ADAMTSL3: variants seen among roughly 807,000 people sequenced by gnomAD.
The protein encoded by ADAMTSL3 is ADAMTS-like protein 3.
A neutral mutation model predicts 201.7 loss-of-function variants in ADAMTSL3; 128 were observed. That is an observed-to-expected ratio of 0.63 (90% CI 0.55 to 0.73). The LOEUF (loss-of-function observed/expected upper bound fraction) is 0.73. Among genes scored for constraint, ADAMTSL3 ranks in the 30% least tolerant of loss-of-function variants. The pLI is 0.00. For synonymous variants in ADAMTSL3, 738 were observed against 748.4 expected (o/e 0.99, Z 0.23); for missense variants, 1,990 against 2,119.6 (o/e 0.94, Z 1.20).
At chr15:83,779,583 A>G (rs989172048) in intron 4 of ADAMTSL3, among the ~76,000 whole-genome samples, 17 of 151,502 alleles carry the variant, frequency 1.1e-4, no homozygotes, top group Admixed American at 3.3e-4. Flanking sequence ...CTGTAGTCCC[A>G]GCTACTCTGG....
At chr15:83,810,520 C>G (rs2063676293) in intron 5 of ADAMTSL3, among the ~76,000 whole-genome samples, 1 of 152,190 alleles carries the variant, frequency 6.6e-6, no homozygotes, top group East Asian at 1.9e-4. Flanking sequence ...TAAAACAAGA[C>G]AAATGTATTA....
rs553606961 is a variant in ADAMTSL3, at chr15:83,963,861, C to G, written c.2491-6623C>G. ...GCAGCATCTGCTGGTGATACTCAGG[C>G]AAACCAGGCCTGGAGTGGACATCCA... On this transcript the variant is annotated intron_variant, in intron 19 of 29. Transcript: ENST00000286744. Among the ~76,000 whole-genome samples the G allele has an allele frequency of 2.0e-5, 3 of 152,328 alleles. No individual in the cohort carries two copies. In the South Asian group the frequency reaches 6.2e-4, roughly 32 times the overall value.
rs568845668 is a variant in ADAMTSL3, at chr15:83,743,864, A to AT, written c.190-29648dup. On this transcript the variant is annotated intron_variant, in intron 3 of 29. Transcript: ENST00000286744. The stretch of plus-strand genomic sequence containing the variant: ...TTTCCTTAACTCATATATCTTTTTA[A>AT]TTTTTTTTTTTGATATGGCGTCTGT... Among the ~76,000 whole-genome samples, 218 of 149,286 alleles carry AT rather than the reference A, an allele frequency of 1.5e-3. 2 individuals are homozygous for AT. The highest frequency in any genetic ancestry group is 7.9e-3 in the South Asian group (37 of 4,702).
intron 3 of ADAMTSL3, among the ~76,000 whole-genome samples, chr15:83,750,320 G>A (rs924868135): frequency 6.6e-6 from 1 of 152,158 alleles, no homozygotes; most frequent in Non-Finnish European, 1.5e-5. Flanking sequence ...TAATGAAAAC[G>A]GGATTAACCC....
chr15:83,655,902 C>T (rs745927374), intron 2 of ADAMTSL3, 72 bp downstream of exon 2: 193 of 1,447,172 alleles, frequency 1.3e-4, no homozygotes, highest in Non-Finnish European at 1.8e-4. Flanking sequence ...TATTGTATAC[C>T]ACCTAAGATG....
At chr15:83,760,132 G>C (rs1400982957) in intron 3 of ADAMTSL3, among the ~76,000 whole-genome samples, 2 of 152,014 alleles carry the variant, frequency 1.3e-5, no homozygotes, top group Non-Finnish European at 2.9e-5. Flanking sequence ...AATAGTTTAA[G>C]ATCATTGATT....
intron 5 of ADAMTSL3, among the ~76,000 whole-genome samples, chr15:83,808,630 A>G (rs1019257890): frequency 6.6e-6 from 1 of 152,230 alleles, no homozygotes; most frequent in African/African-American, 2.4e-5. Flanking sequence ...TACTGATTAT[A>G]TATTCAGAGG....
intron 17 of ADAMTSL3, 138 bp downstream of exon 17, chr15:83,924,171 C>A: frequency 8.5e-7 from 1 of 1,182,832 alleles, no homozygotes; most frequent in Non-Finnish European, 1.2e-6. Flanking sequence ...TCTCTTTGCT[C>A]AAGTTATGCT....
chr15:83,989,038 A>G (rs2067537249), intron 22 of ADAMTSL3, among the ~76,000 whole-genome samples: 1 of 151,642 alleles, frequency 6.6e-6, no homozygotes, highest in Admixed American at 6.6e-5. Flanking sequence ...GCCCGCCACC[A>G]CGCCCGGCTA....
chr15:83,666,002 TA>T (rs2061243600), intron 2 of ADAMTSL3, among the ~76,000 whole-genome samples: 1 of 152,178 alleles, frequency 6.6e-6, no homozygotes, highest in Non-Finnish European at 1.5e-5. Flanking sequence ...ATATTCATTA[TA>T]AAAATGTAGA....
intron 2 of ADAMTSL3, among the ~76,000 whole-genome samples, chr15:83,666,446 A>G (rs958346387): frequency 6.6e-6 from 1 of 152,220 alleles, no homozygotes; most frequent in Non-Finnish European, 1.5e-5. Flanking sequence ...AGTTGCCACT[A>G]TAAGATTAAG....
Position 83,838,073 on chromosome 15 carries a change from A to G in ADAMTSL3, c.601-16A>G, listed in dbSNP as rs1355108642. ...CTGGCTTTGGGCACCACTGACTGCC[A>G]TGCTTCTGTTGGCAGGCAGTGGGCT... On this transcript the variant is annotated splice_polypyrimidine_tract_variant and intron_variant, in intron 6 of 29. Coordinates refer to ENST00000286744, the MANE Select transcript of ADAMTSL3 (RefSeq NM_207517.3). 1 of 1,605,476 alleles carries G rather than the reference A, an allele frequency of 6.2e-7. No individual in the cohort carries two copies. The highest frequency in any genetic ancestry group is 1.3e-5 in the African/African-American group (1 of 74,540).
At chr15:83,901,047 G>A (rs2065714365) in intron 15 of ADAMTSL3, among the ~76,000 whole-genome samples, 1 of 152,180 alleles carries the variant, frequency 6.6e-6, no homozygotes, top group Admixed American at 6.5e-5. Flanking sequence ...ACTTTGCTTT[G>A]AGAAGGCACA....
rs2066591806 is a variant in ADAMTSL3, at chr15:83,942,969, G to T, written c.2377G>T (p.Gly793Cys). The change falls in exon 19 of 30, where the codon GGC becomes TGC. Residue 793 changes from glycine (G) to cysteine (C), a missense_variant. Coordinates refer to ENST00000286744, the MANE Select transcript of ADAMTSL3 (RefSeq NM_207517.3). Reference protein sequence around the residue: ...RVTCRQLLTDGSFLNLSDELC... With the variant: ...RVTCRQLLTDCSFLNLSDELC... ...CACCTGTCGGCAGCTGCTAACGGAT[G>T]GCAGCTTTTTGAATCTCTCAGATGA... The T allele has an allele frequency of 5.0e-6, 8 of 1,613,938 alleles. No homozygotes were observed. The highest frequency in any genetic ancestry group is 6.8e-6 in the Non-Finnish European group (8 of 1,179,984).
chr15:83,705,726 T>C (rs532462023), intron 3 of ADAMTSL3, among the ~76,000 whole-genome samples: 2 of 152,266 alleles, frequency 1.3e-5, no homozygotes, highest in East Asian at 3.9e-4. Context: ...TCTCCATCCT[T>C]GAGGCTGCTG....
chr15:83,760,470 G>A (rs1482168332), intron 3 of ADAMTSL3, among the ~76,000 whole-genome samples: 2 of 151,994 alleles, frequency 1.3e-5, no homozygotes, highest in East Asian at 3.9e-4. Context: ...ATTCTGAGAT[G>A]GTTAGTTGTA....
chr15:83,920,310 C>T (rs1209712403), intron 16 of ADAMTSL3, among the ~76,000 whole-genome samples: 2 of 152,170 alleles, frequency 1.3e-5, no homozygotes, highest in Non-Finnish European at 2.9e-5. Context: ...TAGTTTCTTC[C>T]AGCTCCTCTT....
intron 2 of ADAMTSL3, among the ~76,000 whole-genome samples, chr15:83,696,261 G>A (rs978187881): frequency 5.3e-5 from 8 of 152,196 alleles, no homozygotes; most frequent in Non-Finnish European, 7.3e-5. Flanking sequence ...CCAGGCTGGA[G>A]TGTGGTGACA....
At chr15:83,763,706 C>T (rs990281286) in intron 3 of ADAMTSL3, among the ~76,000 whole-genome samples, 12 of 152,058 alleles carry the variant, frequency 7.9e-5, no homozygotes, top group South Asian at 2.1e-4. Context: ...GAGGTTTCAC[C>T]CTGTTAGCCA....
Sources: gnomAD v4.1 joint callset for allele counts (sites outside exome capture counted in the v4.1 genomes callset) on GRCh38, gnomAD v4.1.1 for gene constraint, MANE v1.5 for transcripts, NCBI Gene and HGNC (gene_info 2026-07-23, HGNC 2026-07-21) for gene names.